NBEA: variants seen among roughly 807,000 people sequenced by gnomAD.
NBEA encodes neurobeachin, also known as lysosomal-trafficking regulator 2.
A neutral mutation model predicts 343.4 loss-of-function variants in NBEA; 44 were observed. The ratio of observed to expected loss-of-function variants is 0.13; its 90% CI spans 0.10 to 0.16. NBEA has a LOEUF of 0.16. Among genes scored for constraint, NBEA ranks in the 10% least tolerant of loss-of-function variants. The pLI is 1.00. For missense variants in NBEA, 2,555 were observed against 3,631.3 expected (o/e 0.70, Z 7.62); for synonymous variants, 1,175 against 1,238.7 (o/e 0.95, Z 1.08).
intron 41 of NBEA, among the ~76,000 whole-genome samples, chr13:35,547,177 T>C (rs1253498834): frequency 5.3e-5 from 8 of 152,214 alleles, no homozygotes; most frequent in Non-Finnish European, 1.0e-4. Flanking sequence ...TAATTTTTCT[T>C]CCCATGTCCC....
intron 34 of NBEA, among the ~76,000 whole-genome samples, chr13:35,247,242 C>G (rs1203334974): frequency 6.6e-6 from 1 of 152,172 alleles, no homozygotes; most frequent in South Asian, 2.1e-4. Context: ...AGGGCTTCTG[C>G]GTCTCCTGCC....
chr13:35,624,991 A>G (rs9601086), intron 48 of NBEA, among the ~76,000 whole-genome samples: 49,107 of 151,994 alleles, frequency 0.32, 9,428 homozygotes, highest in Middle Eastern at 0.52. Context: ...TTTTTGTTTA[A>G]TAGATGGTAT....
At chr13:35,007,591 A>C (rs537684536) in intron 1 of NBEA, among the ~76,000 whole-genome samples, 1 of 152,098 alleles carries the variant, frequency 6.6e-6, no homozygotes, top group African/African-American at 2.4e-5. Flanking sequence ...TCCCAGGCTC[A>C]AGTGATCCTC....
intron 47 of NBEA, among the ~76,000 whole-genome samples, chr13:35,594,488 T>C (rs1304264721): frequency 2.0e-5 from 3 of 152,130 alleles, no homozygotes; most frequent in Non-Finnish European, 4.4e-5. Context: ...TTACTTGTTG[T>C]TGTCAAACTT....
At chr13:35,095,346 GT>G (rs1225231530) in intron 10 of NBEA, among the ~76,000 whole-genome samples, 2 of 150,948 alleles carry the variant, frequency 1.3e-5, no homozygotes, top group Non-Finnish European at 1.5e-5. Context: ...AATTAGTTAT[GT>G]TTATACATAG....
intron 41 of NBEA, among the ~76,000 whole-genome samples, chr13:35,535,717 A>G (rs1447510280): frequency 6.6e-6 from 1 of 152,212 alleles, no homozygotes; most frequent in Non-Finnish European, 1.5e-5. Flanking sequence ...TCACAAGTGT[A>G]TTGGGAAACT....
At chr13:35,112,111 G>A (rs1423193072) in intron 13 of NBEA, among the ~76,000 whole-genome samples, 2 of 151,684 alleles carry the variant, frequency 1.3e-5, no homozygotes, top group African/African-American at 4.8e-5. Context: ...TGGAGACAGG[G>A]TTTCACCGTG....
In NBEA at chr13:35,382,088, A is replaced by G. The variant is rs572167284; in HGVS notation, c.6179+29765A>G. Among the ~76,000 whole-genome samples the G allele has an allele frequency of 7.9e-5, 12 of 152,258 alleles. No individual in the cohort carries two copies. In the South Asian group the frequency reaches 2.5e-3, roughly 32 times the overall value. On this transcript the variant is annotated intron_variant, in intron 38 of 58. Coordinates refer to ENST00000379939, the MANE Select transcript of NBEA (RefSeq NM_001385012.1). Reference sequence around the variant, plus strand: ...CACTGGAGAAAAGGAAACAAGCCATATAGTACCTCTGAGTGATGAATGTGA... The same window carrying G: ...CACTGGAGAAAAGGAAACAAGCCATGTAGTACCTCTGAGTGATGAATGTGA...
intron 1 of NBEA, among the ~76,000 whole-genome samples, chr13:34,976,999 G>A (rs2060201657): frequency 6.8e-6 from 1 of 148,022 alleles, no homozygotes; most frequent in Non-Finnish European, 1.5e-5. Flanking sequence ...AGAGTGCAGT[G>A]GTGCAATCTT....
Position 35,157,374 on chromosome 13 carries a change from C to A in NBEA, c.2844+104C>A, listed in dbSNP as rs2069240695. The A allele has an allele frequency of 6.9e-6, 6 of 865,138 alleles. No individual in the cohort carries two copies. The East Asian group carries it at 1.8e-4, about 27-fold the overall frequency. 53.6% of individuals were successfully genotyped at this position (865,138 alleles called of 1,614,324 possible). A position where few individuals can be genotyped will look rare whatever the true frequency, so the allele number is the denominator to read the frequency against. ...ATCTTGTGGGCATCTTAGATTTTGA[C>A]AGATTCCTGTATCTCAGTTTTGTAT... On this transcript the variant is annotated intron_variant, in intron 21 of 58. Coordinates refer to ENST00000379939, the MANE Select transcript of NBEA (RefSeq NM_001385012.1).
rs573452477 is a variant in NBEA, at chr13:34,984,222, A to G, written c.294+41108A>G. Among the ~76,000 whole-genome samples, 112 of 152,320 alleles carry G rather than the reference A, an allele frequency of 7.4e-4. 3 individuals carry two copies. In the South Asian group the frequency reaches 0.023, roughly 31 times the overall value. On this transcript the variant is annotated intron_variant, in intron 1 of 58. Transcript: ENST00000379939. The stretch of plus-strand genomic sequence containing the variant: ...TGAATTAATTTTAGTATAAGGTGTA[A>G]GGAAGGGATCCAGTTTCAGCTTTCT...
rs1205911078 is a variant in NBEA, at chr13:35,043,331, G to A, written c.527-1616G>A. Among the ~76,000 whole-genome samples the A allele has an allele frequency of 1.4e-4, 21 of 151,848 alleles. No individual in the cohort carries two copies. In the East Asian group the frequency reaches 2.9e-3, roughly 21 times the overall value. On this transcript the variant is annotated intron_variant, in intron 2 of 58. Transcript: ENST00000379939. Reference sequence around the variant, plus strand: ...ACATGGGAGATAAGATAAAGATGAAGTCTTGTATAACCTGAAAAAATTTAA... The same window carrying A: ...ACATGGGAGATAAGATAAAGATGAAATCTTGTATAACCTGAAAAAATTTAA...
At chr13:35,428,766 A>G (rs1473825133) in intron 38 of NBEA, among the ~76,000 whole-genome samples, 1 of 152,158 alleles carries the variant, frequency 6.6e-6, no homozygotes, top group Non-Finnish European at 1.5e-5. Context: ...GGTTCTTGAT[A>G]TGACAAGTGA....
At position 35,381,948 on chromosome 13, in the gene NBEA, T is replaced by G. The variant is rs2042032947; in HGVS notation, c.6179+29625T>G. Among the ~76,000 whole-genome samples the G allele has an allele frequency of 1.3e-5, 2 of 152,182 alleles. 1 individual carries two copies. The highest frequency in any genetic ancestry group is 4.1e-4 in the South Asian group (2 of 4,836). ...CTTCTTCTATTTCTAATTATATTTC[T>G]TAGTTGTAAAACTAAATTGATGAAG... On this transcript the variant is annotated intron_variant, in intron 38 of 58. Coordinates refer to ENST00000379939, the MANE Select transcript of NBEA (RefSeq NM_001385012.1).
intron 45 of NBEA, among the ~76,000 whole-genome samples, chr13:35,578,183 A>T (rs2080840201): frequency 6.6e-6 from 1 of 152,190 alleles, no homozygotes; most frequent in Non-Finnish European, 1.5e-5. Flanking sequence ...TGTATCTAGC[A>T]CAGAGCTGCA....
chr13:35,087,396 C>A (rs925865775), intron 10 of NBEA, among the ~76,000 whole-genome samples: 5 of 151,738 alleles, frequency 3.3e-5, no homozygotes, highest in Admixed American at 6.6e-5. Context: ...CTGGAGAAGT[C>A]CAGTCAGCAC....
intron 38 of NBEA, among the ~76,000 whole-genome samples, chr13:35,415,893 G>A (rs981835047): frequency 4.6e-5 from 7 of 152,050 alleles, no homozygotes; most frequent in Admixed American, 6.6e-5. Flanking sequence ...ATTCGTTTGT[G>A]TCCTCTTTTA....
intron 36 of NBEA, among the ~76,000 whole-genome samples, chr13:35,318,411 T>A (rs958953102): frequency 1.3e-5 from 2 of 152,204 alleles, no homozygotes; most frequent in African/African-American, 4.8e-5. Flanking sequence ...ATTTATTGAT[T>A]TGCATGTGTT....
chr13:35,575,851 G>A (rs138320601), intron 45 of NBEA, among the ~76,000 whole-genome samples: 1 of 151,974 alleles, frequency 6.6e-6, no homozygotes, highest in Non-Finnish European at 1.5e-5. Flanking sequence ...CTGTCTAAAG[G>A]TTAGAATAGC....
Sources: allele counts gnomAD v4.1 joint callset (sites outside exome capture counted in the v4.1 genomes callset), GRCh38; gene constraint gnomAD v4.1.1; transcripts MANE v1.5; gene names NCBI Gene and HGNC (gene_info 2026-07-23, HGNC 2026-07-21).